Variants in LGMN observed in about 807,000 individuals in gnomAD.
LGMN encodes the protein asparaginyl endopeptidase.
A neutral mutation model predicts 56.8 loss-of-function variants in LGMN; 36 were observed. The ratio of observed to expected loss-of-function variants is 0.63; its 90% CI spans 0.49 to 0.84. The LOEUF (loss-of-function observed/expected upper bound fraction) is 0.84, where lower values mean the gene tolerates loss of function less well. LGMN is among the 40% of genes least tolerant of loss of function. The probability of loss-of-function intolerance (pLI) is 0.00; values close to 1 mark genes in which losing one functional copy is unlikely to be tolerated. For synonymous variants in LGMN, 199 were observed against 210.1 expected, an observed-to-expected ratio of 0.95 and a Z score of 0.46; for missense variants, 446 against 556.1, an observed-to-expected ratio of 0.80 and a Z score of 1.99.
chr14:92,709,803 G>A lies in LGMN; in HGVS notation c.889C>T (p.Pro297Ser). 6.2e-7 allele frequency: 1 copy of A among 1,614,038 alleles called. No individual in the cohort carries two copies. Residue 297 changes from proline (P) to serine (S), a missense_variant, in exon 11 of 14, where the codon CCT (proline) becomes TCT (serine). Pro to Ser is a moderately conservative substitution (Grantham distance 74, BLOSUM62 -1). Coordinates refer to ENST00000334869, the MANE Select transcript of LGMN (RefSeq NM_005606.7). ...GTGAGGTCAAGGTGTGTGACTGGAG[G>A]TAGGGGGACGGGAGAACTGGCTTTG... Reference protein sequence around the residue: ...KRKASSPVPLPPVTHLDLTPS... With the variant: ...KRKASSPVPLSPVTHLDLTPS...
At chr14:92,736,806 T>C (rs1891329402) in intron 1 of LGMN, among the ~76,000 whole-genome samples, 1 of 152,282 alleles carries the variant, frequency 6.6e-6, no homozygotes, top group South Asian at 2.1e-4. Flanking sequence ...TTGTTCATCA[T>C]GGAGTCACTC....
At chr14:92,706,237 A>G (rs1006513832) in intron 12 of LGMN, 9 of 396,092 alleles carry the variant, frequency 2.3e-5, no homozygotes, top group Admixed American at 4.1e-5. Context: ...CTGTTCTTCA[A>G]ACTAGAAGTG....
chr14:92,737,604 C>T lies in LGMN; in HGVS notation c.-29-4789G>A, dbSNP rs146021265. On this transcript the variant is annotated intron_variant, in intron 1 of 13. Coordinates refer to ENST00000334869, the MANE Select transcript of LGMN (RefSeq NM_005606.7). ...CTTCCTCCCCTGCCTTTTAAAAGTG[C>T]CCACTTTCTGCTCCAAAAGCAAAGC... Among the ~76,000 whole-genome samples the T allele has an allele frequency of 9.7e-4, 147 of 152,324 alleles. 2 individuals are homozygous for T. The highest frequency in any genetic ancestry group is 3.3e-3 in the African/African-American group (137 of 41,576).
rs1890871375 is a variant in LGMN, at chr14:92,728,776, C to A, written c.138+3873G>T. The stretch of plus-strand genomic sequence containing the variant: ...GGAGCATGGACTGCCTGGGTTAAAT[C>A]TCAGCTCCACCCCTTACTGGCTGTG... On this transcript the variant is annotated intron_variant, in intron 2 of 13. Coordinates refer to ENST00000334869, the MANE Select transcript of LGMN (RefSeq NM_005606.7). Among the ~76,000 whole-genome samples, 7 of 152,314 alleles carry A rather than the reference C, an allele frequency of 4.6e-5. No individual in the cohort carries two copies. In the South Asian group the frequency reaches 1.5e-3, roughly 32 times the overall value.
intron 1 of LGMN, among the ~76,000 whole-genome samples, chr14:92,747,571 C>T (rs140611807): frequency 1.3e-5 from 2 of 152,336 alleles, no homozygotes; most frequent in Admixed American, 1.3e-4. Context: ...TCAACCTCTC[C>T]CACAAGTTAG....
At chr14:92,726,013 G>GATC (rs1050082320) in intron 2 of LGMN, among the ~76,000 whole-genome samples, 2 of 151,794 alleles carry the variant, frequency 1.3e-5, no homozygotes, top group African/African-American at 4.8e-5. Context: ...GAGGCAGGTG[G>GATC]ATCATCAGAG....
chr14:92,710,961 G>A (rs1889734050), intron 10 of LGMN, among the ~76,000 whole-genome samples: 1 of 152,226 alleles, frequency 6.6e-6, no homozygotes, highest in Non-Finnish European at 1.5e-5. Flanking sequence ...GCCAACGTTT[G>A]TGCCCAAGGA....
intron 2 of LGMN, among the ~76,000 whole-genome samples, chr14:92,727,466 A>G (rs1264225488): frequency 6.8e-6 from 1 of 146,474 alleles, no homozygotes; most frequent in African/African-American, 2.5e-5. Flanking sequence ...CCTGGGTTTG[A>G]GATAAAGAGG....
intron 1 of LGMN, among the ~76,000 whole-genome samples, chr14:92,734,323 CTT>C (rs1891201057): frequency 1.3e-5 from 2 of 152,148 alleles, no homozygotes; most frequent in Non-Finnish European, 2.9e-5. Flanking sequence ...CATCGCAAGA[CTT>C]TATTATTACT....
At chr14:92,729,887 C>A (rs1890961679) in intron 2 of LGMN, among the ~76,000 whole-genome samples, 2 of 152,212 alleles carry the variant, frequency 1.3e-5, no homozygotes, top group South Asian at 4.1e-4. Flanking sequence ...TCCTCTCTTA[C>A]TCGGGGACGA....
intron 2 of LGMN, among the ~76,000 whole-genome samples, chr14:92,721,503 G>C (rs1412134861): frequency 6.6e-6 from 1 of 152,204 alleles, no homozygotes; most frequent in Non-Finnish European, 1.5e-5. Context: ...CATGAAGTCT[G>C]TGGCAATCTG....
At chr14:92,733,048 C>G (rs1891133051) in intron 1 of LGMN, among the ~76,000 whole-genome samples, 1 of 150,716 alleles carries the variant, frequency 6.6e-6, no homozygotes. Flanking sequence ...ACTCGGGAGG[C>G]TGAGGAAGGA....
At chr14:92,723,673 G>C (rs970754987) in intron 2 of LGMN, among the ~76,000 whole-genome samples, 4 of 152,178 alleles carry the variant, frequency 2.6e-5, no homozygotes, top group African/African-American at 4.8e-5. Context: ...AATCTATAGA[G>C]ATAGAAAGTA....
intron 1 of LGMN, chr14:92,733,669 T>C (rs150195809): frequency 2.0e-5 from 3 of 152,264 alleles, no homozygotes; most frequent in Non-Finnish European, 4.4e-5. Flanking sequence ...TAGCTGGGCA[T>C]GGTGGCACAT....
chr14:92,706,741 T>C, intron 11 of LGMN, 88 bp from the exon 12 acceptor site: 3 of 1,246,582 alleles, frequency 2.4e-6, no homozygotes, highest in Non-Finnish European at 3.2e-6. Context: ...ATTCAAAGGC[T>C]ACTCTCCACA....
chr14:92,723,567 C>A (rs539448353), intron 2 of LGMN, among the ~76,000 whole-genome samples: 68 of 152,244 alleles, frequency 4.5e-4, no homozygotes, highest in African/African-American at 1.6e-3. Flanking sequence ...CATGCTACAA[C>A]GTGAACAAAC....
At chr14:92,736,043 C>T (rs141433581) in intron 1 of LGMN, among the ~76,000 whole-genome samples, 186 of 152,264 alleles carry the variant, frequency 1.2e-3, no homozygotes, top group African/African-American at 4.3e-3. Flanking sequence ...GGCAAGTCCA[C>T]AGAATAATGT....
chr14:92,709,507 C>T (rs181340031), intron 11 of LGMN, among the ~76,000 whole-genome samples, 165 bp downstream of exon 11: 2 of 152,248 alleles, frequency 1.3e-5, no homozygotes, highest in African/African-American at 2.4e-5. Flanking sequence ...GGGAGGCAAC[C>T]ACGGCTCCGC....
At chr14:92,728,819 C>T (rs1266650925) in intron 2 of LGMN, among the ~76,000 whole-genome samples, 2 of 152,164 alleles carry the variant, frequency 1.3e-5, no homozygotes, top group Admixed American at 1.3e-4. Flanking sequence ...AGATAAGTTA[C>T]CCAGCCTTTC....
Sources: allele counts gnomAD v4.1 joint callset (sites outside exome capture counted in the v4.1 genomes callset), GRCh38; gene constraint gnomAD v4.1.1; transcripts MANE v1.5; gene names NCBI Gene and HGNC (gene_info 2026-07-23, HGNC 2026-07-21).